The following EPRS1 variants were observed in gnomAD, a reference collection of about 807,000 sequenced individuals.
EPRS1 encodes bifunctional glutamate/proline--tRNA ligase.
A neutral mutation model predicts 188.3 loss-of-function variants in EPRS1; 107 were observed. That is an observed-to-expected ratio of 0.57 (90% CI 0.49 to 0.67). The LOEUF is 0.67. Among genes scored for constraint, EPRS1 ranks in the 30% least tolerant of loss-of-function variants. EPRS1 has a pLI of 0.00. For synonymous variants in EPRS1, 596 were observed against 593.1 expected (o/e 1.00, Z -0.07); for missense variants, 1,577 against 1,802.2 (o/e 0.88, Z 2.26).
intron 3 of EPRS1, among the ~76,000 whole-genome samples, chr1:220,034,026 TAA>T (rs757975921): frequency 7.2e-5 from 11 of 152,190 alleles, no homozygotes; most frequent in Non-Finnish European, 1.6e-4. Flanking sequence ...TTGAAAAATT[TAA>T]AAGTTAGTAC....
chr1:220,034,428 A>G (rs2102597522), intron 3 of EPRS1, among the ~76,000 whole-genome samples: 1 of 152,236 alleles, frequency 6.6e-6, no homozygotes, highest in South Asian at 2.1e-4. Flanking sequence ...ATTTCTCAGA[A>G]CGCATCCCAT....
intron 1 of EPRS1, among the ~76,000 whole-genome samples, chr1:220,043,556 G>A (rs1662338747): frequency 6.6e-6 from 1 of 152,016 alleles, no homozygotes; most frequent in African/African-American, 2.4e-5. Context: ...GATGCAAAGT[G>A]GAACATTTAC....
Position 219,988,761 on chromosome 1 carries a change from A to T in EPRS1, c.2604T>A (p.Thr868=), listed in dbSNP as rs1275068563. The T allele has an allele frequency of 6.2e-7, 1 of 1,613,882 alleles. No homozygotes were observed. The highest frequency in any genetic ancestry group is 1.3e-5 in the African/African-American group (1 of 75,026). Residue 868 remains threonine (T), a synonymous_variant, in exon 19 of 32, where the codon ACT becomes ACA. Coordinates refer to ENST00000366923, the MANE Select transcript of EPRS1 (RefSeq NM_004446.3). ...GCTGACCAGGTATGTACTCCTTCCC[A>T]GTTTTTTCTTTATACTGAGCCTTCA... The part of the protein sequence containing the change: ...LSLKAQYKEK[T]GKEYIPGQPP...
chr1:219,972,173 A>G (rs1660680404), intron 29 of EPRS1, 26 bp from the exon 30 acceptor site: 2 of 1,393,826 alleles, frequency 1.4e-6, no homozygotes, highest in Non-Finnish European at 2.0e-6. Context: ...AGAAAACAAT[A>G]CATAATTGTT....
chr1:219,972,946 A>G (rs1440274623), intron 29 of EPRS1, among the ~76,000 whole-genome samples: 1 of 152,226 alleles, frequency 6.6e-6, no homozygotes, highest in Non-Finnish European at 1.5e-5. Context: ...ATGACAGTCA[A>G]TGCCTGAAGC....
At chr1:220,020,654 A>G (rs1471985350) in intron 9 of EPRS1, among the ~76,000 whole-genome samples, 1 of 150,202 alleles carries the variant, frequency 6.7e-6, no homozygotes, top group Non-Finnish European at 1.5e-5. Context: ...AAAAGTCTTA[A>G]AAGTACTCAA....
Position 220,020,061 on chromosome 1 carries a change from G to A in EPRS1, c.1276C>T (p.Leu426=). The part of the protein sequence containing the change: ...RKPYIWEYSR[L]NLNNTVLSKR... Reference sequence around the variant, plus strand: ...GATAGCACTGTGTTGTTGAGATTTAGCCGACTATATTCCCAAATATATGGT... The same window carrying A: ...GATAGCACTGTGTTGTTGAGATTTAACCGACTATATTCCCAAATATATGGT... Residue 426 remains leucine, a synonymous_variant, in exon 10 of 32, where the codon CTA becomes TTA. Coordinates refer to ENST00000366923, the MANE Select transcript of EPRS1 (RefSeq NM_004446.3). 1 of 1,613,972 alleles carries A rather than the reference G, an allele frequency of 6.2e-7. No homozygotes were observed. The highest frequency in any genetic ancestry group is 8.5e-7 in the Non-Finnish European group (1 of 1,179,966).
At chr1:219,998,481 T>A (rs1248124233) in intron 17 of EPRS1, among the ~76,000 whole-genome samples, 6 of 151,986 alleles carry the variant, frequency 3.9e-5, no homozygotes, top group Non-Finnish European at 8.8e-5. Flanking sequence ...TAAATGCATA[T>A]ACATTAAATA....
chr1:219,977,774 T>G (rs745664554), intron 28 of EPRS1, among the ~76,000 whole-genome samples: 8 of 152,174 alleles, frequency 5.3e-5, no homozygotes, highest in Non-Finnish European at 1.2e-4. Context: ...ATGATAAATA[T>G]TAGCAACTTT....
At chr1:220,026,550 A>G (rs2102592881) in intron 6 of EPRS1, among the ~76,000 whole-genome samples, 1 of 150,510 alleles carries the variant, frequency 6.6e-6, no homozygotes, top group South Asian at 2.1e-4. Context: ...TTTTTTTTTG[A>G]GACGGACTCT....
intron 12 of EPRS1, among the ~76,000 whole-genome samples, chr1:220,012,542 A>T (rs1489972706): frequency 6.6e-6 from 1 of 152,232 alleles, no homozygotes; most frequent in South Asian, 2.1e-4. Context: ...CTAATTTTTA[A>T]CAAGCATTCC....
chr1:219,990,947 A>G (rs1172188850), intron 18 of EPRS1, among the ~76,000 whole-genome samples: 3 of 152,190 alleles, frequency 2.0e-5, no homozygotes, highest in African/African-American at 7.2e-5. Context: ...ACATATACCA[A>G]TACAAACAGA....
chr1:220,022,101 C>A (rs760095971), intron 9 of EPRS1, among the ~76,000 whole-genome samples: 1 of 152,122 alleles, frequency 6.6e-6, no homozygotes, highest in Non-Finnish European at 1.5e-5. Flanking sequence ...AAAAAAGCAA[C>A]TCTAGGCAGA....
At chr1:220,036,865 A>G (rs1466391660) in intron 2 of EPRS1, among the ~76,000 whole-genome samples, 1 of 152,188 alleles carries the variant, frequency 6.6e-6, no homozygotes, top group African/African-American at 2.4e-5. Context: ...TTTAGCAATG[A>G]AACAAAAATA....
At chr1:220,014,709 C>T (rs1358806513) in intron 12 of EPRS1, among the ~76,000 whole-genome samples, 2 of 152,144 alleles carry the variant, frequency 1.3e-5, no homozygotes, top group Non-Finnish European at 2.9e-5. Context: ...GGAATTTCTC[C>T]AACAAACTAG....
At position 220,018,453 on chromosome 1, in the gene EPRS1, T is replaced by C. The variant is rs768202480; in HGVS notation, c.1490A>G (p.Lys497Arg). ...MEWDKIWAFN[K>R]KVIDPVAPRY... ...GCAGAGAGTTAACATACATACCTTTTTGTTAAACGCCCAGATTTTGTCCCA... is the reference window on the plus strand; with the variant it reads ...GCAGAGAGTTAACATACATACCTTTCTGTTAAACGCCCAGATTTTGTCCCA... Residue 497 changes from lysine (K) to arginine (R), a missense_variant, in exon 12 of 32, where the codon AAA (lysine) becomes AGA (arginine). Lys to Arg is a conservative substitution (Grantham distance 26, BLOSUM62 2). This residue lies in a region of EPRS1 where 1,278 missense variants were observed against 1,457.4 expected (regional missense o/e 0.88). Coordinates refer to ENST00000366923, the MANE Select transcript of EPRS1 (RefSeq NM_004446.3). 1.9e-6 allele frequency: 3 copies of C among 1,609,264 alleles called. No individual in the cohort carries two copies. Among genetic ancestry groups the C allele is most frequent in the East Asian group, 2.2e-5 (1 of 44,828 alleles).
At chr1:220,009,142 C>T (rs950170603) in intron 13 of EPRS1, among the ~76,000 whole-genome samples, 1 of 152,108 alleles carries the variant, frequency 6.6e-6, no homozygotes, top group African/African-American at 2.4e-5. Flanking sequence ...CTGGTCAAAA[C>T]AATCAGATAT....
intron 18 of EPRS1, among the ~76,000 whole-genome samples, chr1:219,993,335 A>G (rs1393477950): frequency 2.0e-5 from 3 of 152,220 alleles, no homozygotes; most frequent in Non-Finnish European, 4.4e-5. Context: ...CACTACACCA[A>G]CTTGATCCAT....
At chr1:220,034,891 A>T in intron 3 of EPRS1, 23 bp downstream of exon 3, 1 of 1,331,762 alleles carries the variant, frequency 7.5e-7, no homozygotes, top group South Asian at 1.2e-5. Flanking sequence ...CAAAACACAC[A>T]CAACAAAATG....
Sources: allele counts gnomAD v4.1 joint callset (sites outside exome capture counted in the v4.1 genomes callset), GRCh38; gene constraint gnomAD v4.1.1; regional missense constraint gnomAD v4.1.1; transcripts MANE v1.5; gene names NCBI Gene and HGNC (gene_info 2026-07-23, HGNC 2026-07-21).